The following HP1BP3 variants were observed in gnomAD, a reference collection of about 807,000 sequenced individuals.
HP1BP3 encodes heterochromatin protein 1 binding protein 3, also known as heterochromatin protein 1-binding protein 3.
A neutral mutation model predicts 62.5 loss-of-function variants in HP1BP3; 12 were observed. That is an observed-to-expected ratio of 0.19 (90% confidence interval 0.12 to 0.31). The LOEUF is 0.31. Ranked by LOEUF, HP1BP3 falls within the 10% of genes least tolerant of loss-of-function variation. The pLI is 1.00. For synonymous variants in HP1BP3, 260 were observed against 237.8 expected, an observed-to-expected ratio of 1.09 and a Z score of -0.86; for missense variants, 502 against 651.8, an observed-to-expected ratio of 0.77 and a Z score of 2.50.
intron 4 of HP1BP3, chr1:20,776,024 A>AT: frequency 1.3e-6 from 2 of 1,490,468 alleles, no homozygotes; most frequent in Non-Finnish European, 1.8e-6. Context: ...AAAAAAAAAA[A>AT]AAAATTAAAA....
At chr1:20,775,847 T>C in intron 4 of HP1BP3, 4 of 1,076,720 alleles carry the variant, frequency 3.7e-6, no homozygotes, top group Non-Finnish European at 5.2e-6. Context: ...TAGGTTTGTG[T>C]AAGTACACTT....
intron 1 of HP1BP3, among the ~76,000 whole-genome samples, chr1:20,781,339 A>G (rs549426135): frequency 6.6e-6 from 1 of 152,354 alleles, no homozygotes; most frequent in Non-Finnish European, 1.5e-5. Context: ...GTAGGGAATG[A>G]CAGTCATGCA....
intron 3 of HP1BP3, among the ~76,000 whole-genome samples, chr1:20,778,845 A>AATG: frequency 6.6e-6 from 1 of 151,220 alleles, no homozygotes; most frequent in Non-Finnish European, 1.5e-5. Context: ...GCTGGAATAC[A>AATG]ATGGCGTGAT....
rs1328376547 is a variant in HP1BP3 at position 20,776,670 on chromosome 1, C to A, written c.277G>T (p.Ala93Ser). Residue 93 changes from alanine to serine, a missense_variant, in exon 4 of 13, where the codon GCA (alanine) becomes TCA (serine). This residue lies in a region of HP1BP3 where 165 missense variants were observed against 156.4 expected (regional missense o/e 1.05). Coordinates refer to ENST00000438032, the MANE Select transcript of HP1BP3 (RefSeq NM_001372052.1). ...NETPPATSSEAEQPKGEPENE... is the reference protein window; with the variant it reads ...NETPPATSSESEQPKGEPENE... ...TCAGGTTCCCCCTTTGGCTGCTCTGCCTCACTCGAAGTAGCAGGTGGAGTT... is the reference window on the plus strand; with the variant it reads ...TCAGGTTCCCCCTTTGGCTGCTCTGACTCACTCGAAGTAGCAGGTGGAGTT... 7 of 1,613,844 alleles carry A rather than the reference C, an allele frequency of 4.3e-6. No individual in the cohort carries two copies. Among genetic ancestry groups the A allele is most frequent in the Non-Finnish European group, 5.9e-6 (7 of 1,179,892 alleles).
chr1:20,763,864 T>C (rs965799020), intron 8 of HP1BP3, among the ~76,000 whole-genome samples: 7 of 152,228 alleles, frequency 4.6e-5, no homozygotes, highest in Non-Finnish European at 1.0e-4. Context: ...ATGAAATATA[T>C]ATATGATGTA....
intron 9 of HP1BP3, among the ~76,000 whole-genome samples, chr1:20,755,099 A>T (rs541061053): frequency 6.6e-6 from 1 of 152,258 alleles, no homozygotes; most frequent in Non-Finnish European, 1.5e-5. Flanking sequence ...AAAATGGGCA[A>T]AAGATTTGAA....
At chr1:20,759,199 G>A (rs1047349934) in intron 8 of HP1BP3, among the ~76,000 whole-genome samples, 1 of 152,190 alleles carries the variant, frequency 6.6e-6, no homozygotes, top group Non-Finnish European at 1.5e-5. Context: ...TTGGGAGTTT[G>A]ACACCAGCTT....
In HP1BP3 at chr1:20,775,766, C is replaced by T. The variant is rs571753152; in HGVS notation, c.350+831G>A. ...CTACAGTATTTAGTACAGTAACATG[C>T]TGTACAGGTTTGTAGCCTAGAAGCA... On this transcript the variant is annotated intron_variant, in intron 4 of 12. Transcript: ENST00000438032. 5 of 453,894 alleles carry T rather than the reference C, an allele frequency of 1.1e-5. No individual in the cohort carries two copies. The South Asian group carries it at 2.9e-4, about 27-fold the overall frequency. 28.1% of individuals were successfully genotyped at this position (453,894 alleles called of 1,614,324 possible).
At position 20,765,181 on chromosome 1, in the gene HP1BP3, A is replaced by C. The variant is rs536159770; in HGVS notation, c.890+196T>G. ...CAAATCTGTCTCAAAAAACTAAAAA[A>C]AAAAAAAAAAAAAAAATTATACATG... On this transcript the variant is annotated intron_variant, in intron 8 of 12. Transcript: ENST00000438032. Among the ~76,000 whole-genome samples the C allele has an allele frequency of 4.8e-3, 733 of 151,490 alleles. 6 individuals carry two copies. Among genetic ancestry groups the C allele is most frequent in the African/African-American group, 0.017 (703 of 41,396 alleles).
chr1:20,763,455 G>T (rs1384484685), intron 8 of HP1BP3, among the ~76,000 whole-genome samples: 1 of 152,122 alleles, frequency 6.6e-6, no homozygotes, highest in African/African-American at 2.4e-5. Flanking sequence ...GACCACTACT[G>T]ATTTTCTGAA....
chr1:20,782,091 G>A (rs2057580312), intron 1 of HP1BP3, among the ~76,000 whole-genome samples: 1 of 152,186 alleles, frequency 6.6e-6, no homozygotes, highest in African/African-American at 2.4e-5. Flanking sequence ...GGCTGAAAAT[G>A]CTACCGTGAA....
intron 8 of HP1BP3, among the ~76,000 whole-genome samples, chr1:20,762,767 T>C (rs2056558445): frequency 6.6e-6 from 1 of 152,132 alleles, no homozygotes; most frequent in African/African-American, 2.4e-5. Flanking sequence ...TTCCCTAAAA[T>C]GTGTAAAACC....
At chr1:20,756,529 C>T (rs538682700) in intron 9 of HP1BP3, among the ~76,000 whole-genome samples, 17 of 152,192 alleles carry the variant, frequency 1.1e-4, no homozygotes, top group African/African-American at 3.9e-4. Flanking sequence ...GTGATTGTGC[C>T]ACTGCACTCC....
intron 8 of HP1BP3, among the ~76,000 whole-genome samples, chr1:20,757,769 C>T (rs928918169): frequency 6.6e-6 from 1 of 152,124 alleles, no homozygotes; most frequent in Non-Finnish European, 1.5e-5. Flanking sequence ...TCTCTATATA[C>T]CCAATATGCC....
At position 20,744,992 on chromosome 1, in the gene HP1BP3, C is replaced by A. The variant is rs1266979555; in HGVS notation, c.1467G>T (p.Gly489=). The change falls in exon 13 of 13, where the codon GGG becomes GGT. Residue 489 remains glycine (G), a synonymous_variant. Transcript: ENST00000438032. ...PAPKVSAAQR[G]KARPLPKKAP... The stretch of plus-strand genomic sequence containing the variant: ...CTTTCTTAGGCAAGGGCCTAGCTTT[C>A]CCCCGCTGGGCAGCTGAGACTTTAG... The A allele has an allele frequency of 2.5e-6, 4 of 1,614,044 alleles. No homozygotes were observed. The highest frequency in any genetic ancestry group is 2.5e-6 in the Non-Finnish European group (3 of 1,180,046).
chr1:20,780,992 G>C (rs2057520163), intron 1 of HP1BP3, among the ~76,000 whole-genome samples: 2 of 151,802 alleles, frequency 1.3e-5, no homozygotes, highest in African/African-American at 4.8e-5. Context: ...CTTCTATTAA[G>C]GGAAAACACA....
intron 8 of HP1BP3, among the ~76,000 whole-genome samples, chr1:20,761,104 G>T (rs1159531828): frequency 6.6e-6 from 1 of 152,100 alleles, no homozygotes; most frequent in African/African-American, 2.4e-5. Flanking sequence ...GAGTGCAGTG[G>T]TGTGATCTTG....
At chr1:20,746,196 G>A (rs867800191) in intron 11 of HP1BP3, among the ~76,000 whole-genome samples, 1,554 of 147,686 alleles carry the variant, frequency 0.011, 9 homozygotes, top group African/African-American at 0.017. Flanking sequence ...ATGTGTGTGT[G>A]TGTGTGTGTG....
chr1:20,767,881 CCT>C (rs2056863426), intron 6 of HP1BP3, among the ~76,000 whole-genome samples: 1 of 152,054 alleles, frequency 6.6e-6, no homozygotes, highest in South Asian at 2.1e-4. Context: ...CCCAGTTAAC[CCT>C]CTGAGCTTTT....
Sources: gnomAD v4.1 joint callset for allele counts (sites outside exome capture counted in the v4.1 genomes callset) on GRCh38, gnomAD v4.1.1 for gene constraint, gnomAD v4.1.1 regional missense constraint, MANE v1.5 for transcripts, NCBI Gene and HGNC (gene_info 2026-07-23, HGNC 2026-07-21) for gene names.